Variants in QPRT observed in about 807,000 individuals in gnomAD.
QPRT encodes quinolinate phosphoribosyltransferase, also known as nicotinate-nucleotide pyrophosphorylase [carboxylating].
In QPRT, 17 loss-of-function variants were observed where a neutral mutation model predicts 19.8. That is an observed-to-expected ratio of 0.86 (90% CI 0.59 to 1.29). The LOEUF (loss-of-function observed/expected upper bound fraction) is 1.29. QPRT is among the 50% of genes most tolerant of loss of function. The probability of loss-of-function intolerance (pLI) is 0.00; values close to 1 mark genes in which losing one functional copy is unlikely to be tolerated. For synonymous variants in QPRT, 178 were observed against 191.0 expected (o/e 0.93, Z 0.56); for missense variants, 336 against 405.1 (o/e 0.83, Z 1.46).
chr16:29,695,227 AC>A, intron 2 of QPRT, 28 bp downstream of exon 2: 1 of 1,502,974 alleles, frequency 6.7e-7, no homozygotes. Context: ...CCCTGGTCCA[AC>A]CCCACCCTCA....
At position 29,694,759 on chromosome 16, in the gene QPRT, A is replaced by G. The variant is rs1967465468; in HGVS notation, c.109A>G (p.Ser37Gly). 6.2e-7 allele frequency: 1 copy of G among 1,612,770 alleles called. No homozygotes were observed. Among genetic ancestry groups the G allele is most frequent in the African/African-American group, 1.3e-5 (1 of 74,940 alleles). ...AGGGCTCAACTACGCAGCCTTGGTC[A>G]GCGGGGCAGGCCCCTCGCAGGCGGC... The part of the protein sequence containing the change: ...CPGLNYAALV[S>G]GAGPSQAALW... The change falls in exon 2 of 4, where the codon AGC (serine) becomes GGC (glycine). Residue 37 changes from serine (S) to glycine (G), a missense_variant. By Grantham distance (56) the Ser-to-Gly change is moderately conservative. Coordinates refer to ENST00000395384, the MANE Select transcript of QPRT (RefSeq NM_014298.6).
Position 29,697,399 on chromosome 16 carries a change from CA to C in QPRT, c.886del (p.Ile296SerfsTer28). 1 of 1,612,312 alleles carries C rather than the reference CA, an allele frequency of 6.2e-7. No individual in the cohort carries two copies. ...LFAKEVAPVP[K>X]IH is the part of the protein sequence containing the mutation. The stretch of plus-strand genomic sequence containing the variant: ...TTGCCAAAGAGGTGGCTCCAGTGCC[CA>C]AAATCCACTAGTCCTAAACCGGAAG... On this transcript the variant is annotated frameshift_variant, in exon 4 of 4. Coordinates refer to ENST00000395384, the MANE Select transcript of QPRT (RefSeq NM_014298.6). LOFTEE classifies it high-confidence loss of function. This position sits in a 1 kb window ranked among gnomAD's most constrained non-coding sequence, Gnocchi z 4.4.
rs1270492232 is a variant in QPRT at position 29,697,902 on chromosome 16, C to A, written c.*491C>A. ...TTAGGAGGCTGAGGCAGGAGAATCG[C>A]TTGAACCCAGGAAGTGGAGGTTGCA... is the stretch of plus-strand genomic sequence containing the variant. On this transcript the variant is annotated 3_prime_UTR_variant, in exon 4 of 4. Transcript: ENST00000395384. This position sits in a 1 kb window ranked among gnomAD's most constrained non-coding sequence, Gnocchi z 4.4. The A allele has an allele frequency of 6.5e-6, 1 of 153,064 alleles. No individual in the cohort carries two copies. Among genetic ancestry groups the A allele is most frequent in the Admixed American group, 6.6e-5 (1 of 15,244 alleles). 9.5% of individuals were successfully genotyped at this position (153,064 alleles called of 1,614,324 possible).
At chr16:29,679,121 C>G, upstream of QPRT, 2 of 1,613,410 alleles carry the variant, frequency 1.2e-6, no homozygotes, top group Non-Finnish European at 8.5e-7. Context: ...CCTCCACAGT[C>G]CCACCCCCAG....
At chr16:29,679,113 T>C, upstream of QPRT, 4 of 1,611,972 alleles carry the variant, frequency 2.5e-6, no homozygotes, top group Non-Finnish European at 3.4e-6. Context: ...CCTCCCTCCC[T>C]CCACAGTCCC....
chr16:29,696,879 C>G, intron 2 of QPRT, 117 bp from the exon 3 acceptor site: 1 of 1,261,522 alleles, frequency 7.9e-7, no homozygotes. Context: ...GTCCCGGCTC[C>G]CCGCGCCCCA....
intron 1 of QPRT, among the ~76,000 whole-genome samples, chr16:29,688,111 G>A (rs976575979): frequency 6.6e-6 from 1 of 152,108 alleles, no homozygotes; most frequent in Non-Finnish European, 1.5e-5. Context: ...TGTAGGGGAA[G>A]AGTGACCTTA....
rs1171705021 is a variant in QPRT at position 29,695,034 on chromosome 16, C to G, written c.384C>G (p.Ala128=). The part of the protein sequence containing the change: ...AAAAVEAARG[A]GWTGHVAGTR... Reference sequence around the variant, plus strand: ...CTGCAGTGGAGGCCGCCAGGGGGGCCGGCTGGACTGGGCACGTGGCAGGCA... The same window carrying G: ...CTGCAGTGGAGGCCGCCAGGGGGGCGGGCTGGACTGGGCACGTGGCAGGCA... Residue 128 remains alanine, a synonymous_variant, in exon 2 of 4, where the codon GCC becomes GCG. Coordinates refer to ENST00000395384, the MANE Select transcript of QPRT (RefSeq NM_014298.6). 6.2e-7 allele frequency: 1 copy of G among 1,605,022 alleles called. No individual in the cohort carries two copies. Among genetic ancestry groups the G allele is most frequent in the South Asian group, 1.1e-5 (1 of 90,936 alleles).
chr16:29,694,543 C>T, intron 1 of QPRT, 121 bp from the exon 2 acceptor site: 1 of 1,118,980 alleles, frequency 8.9e-7, no homozygotes, highest in African/African-American at 1.6e-5. Flanking sequence ...CCCCCTGGGA[C>T]CCCTAGATCT....
intron 1 of QPRT, among the ~76,000 whole-genome samples, chr16:29,684,565 T>C (rs1290223008): frequency 6.6e-6 from 1 of 152,118 alleles, no homozygotes; most frequent in Non-Finnish European, 1.5e-5. Context: ...ACCAGGATGG[T>C]CTTGATCTCC....
At chr16:29,691,231 G>T (rs1244555762) in intron 1 of QPRT, among the ~76,000 whole-genome samples, 1 of 151,460 alleles carries the variant, frequency 6.6e-6, no homozygotes, top group Non-Finnish European at 1.5e-5. Flanking sequence ...TGGGCGTGGT[G>T]GCGGGCACCT....
intron 1 of QPRT, among the ~76,000 whole-genome samples, chr16:29,685,081 T>A (rs1046296459): frequency 2.0e-5 from 3 of 152,216 alleles, no homozygotes; most frequent in African/African-American, 7.2e-5. Context: ...TTCTGGTAGA[T>A]CCCCTTTTGG....
chr16:29,689,925 C>A (rs544642007), intron 1 of QPRT, among the ~76,000 whole-genome samples: 49 of 152,250 alleles, frequency 3.2e-4, no homozygotes, highest in African/African-American at 1.1e-3. Context: ...TTTTAAGACG[C>A]TAGCCTGCCA....
intron 1 of QPRT, among the ~76,000 whole-genome samples, chr16:29,680,704 G>A (rs1394390013): frequency 6.6e-6 from 1 of 152,148 alleles, no homozygotes. Context: ...ACTTTGGGAG[G>A]CTGAGGTGGG....
chr16:29,693,326 G>A (rs1250349787), intron 1 of QPRT, among the ~76,000 whole-genome samples: 1 of 152,034 alleles, frequency 6.6e-6, no homozygotes, highest in South Asian at 2.1e-4. Flanking sequence ...AGGCTGGAGT[G>A]CAGTGGCACG....
intron 1 of QPRT, among the ~76,000 whole-genome samples, chr16:29,692,953 C>T (rs1008927860): frequency 5.2e-4 from 78 of 150,468 alleles, no homozygotes; most frequent in Middle Eastern, 7.0e-3. Flanking sequence ...CCCAGCCACT[C>T]GGGAGGCTGA....
chr16:29,692,425 A>AC (rs1444524101), intron 1 of QPRT, among the ~76,000 whole-genome samples: 1 of 146,422 alleles, frequency 6.8e-6, no homozygotes, highest in Non-Finnish European at 1.6e-5. Flanking sequence ...CTAAAAACAC[A>AC]AAAAAATTAG....
At chr16:29,684,963 G>C (rs1236348482) in intron 1 of QPRT, among the ~76,000 whole-genome samples, 1 of 152,072 alleles carries the variant, frequency 6.6e-6, no homozygotes, top group Non-Finnish European at 1.5e-5. Flanking sequence ...GCCCCCTCCT[G>C]CTGTCCCACC....
At chr16:29,687,007 C>G (rs1967181927) in intron 1 of QPRT, among the ~76,000 whole-genome samples, 1 of 152,258 alleles carries the variant, frequency 6.6e-6, no homozygotes, top group Non-Finnish European at 1.5e-5. Context: ...TCTTACTTGT[C>G]AGGCTTTAGC....
Sources: allele counts gnomAD v4.1 joint callset (sites outside exome capture counted in the v4.1 genomes callset), GRCh38; gene constraint gnomAD v4.1.1; non-coding constraint Gnocchi (gnomAD v3.1); transcripts MANE v1.5; gene names NCBI Gene and HGNC (gene_info 2026-07-23, HGNC 2026-07-21).